Variants in MIPOL1 observed in about 807,000 individuals in gnomAD.
MIPOL1 encodes mirror-image polydactyly 1.
A neutral mutation model predicts 60.9 loss-of-function variants in MIPOL1; 57 were observed. The ratio of observed to expected loss-of-function variants is 0.94; its 90% CI spans 0.76 to 1.17. MIPOL1 has a LOEUF of 1.17. MIPOL1 is among the 50% of genes most tolerant of loss of function. The pLI, the probability that MIPOL1 is intolerant of heterozygous loss-of-function variation, is 0.00. For missense variants in MIPOL1, 551 were observed against 511.6 expected, an observed-to-expected ratio of 1.08 and a Z score of -0.74; for synonymous variants, 179 against 168.8, an observed-to-expected ratio of 1.06 and a Z score of -0.47.
At chr14:37,268,307 A>G (rs537706171) in intron 4 of MIPOL1, among the ~76,000 whole-genome samples, 1 of 152,310 alleles carries the variant, frequency 6.6e-6, no homozygotes, top group African/African-American at 2.4e-5. Flanking sequence ...GTAGAAGCAC[A>G]GAAGAATGAA....
chr14:37,226,368 A>G (rs1232814774), intron 1 of MIPOL1, among the ~76,000 whole-genome samples: 1 of 152,210 alleles, frequency 6.6e-6, no homozygotes, highest in Non-Finnish European at 1.5e-5. Context: ...CATGTGGTGG[A>G]CTCACAGTTC....
At chr14:37,535,874 T>G (rs2095504089) in intron 12 of MIPOL1, among the ~76,000 whole-genome samples, 1 of 152,198 alleles carries the variant, frequency 6.6e-6, no homozygotes, top group Admixed American at 6.5e-5. Context: ...TTATCTTTTT[T>G]CAATTTCTTT....
At chr14:37,391,082 A>G (rs1408937955) in intron 10 of MIPOL1, among the ~76,000 whole-genome samples, 5 of 152,188 alleles carry the variant, frequency 3.3e-5, no homozygotes, top group Non-Finnish European at 7.3e-5. Context: ...AATTCTCAAT[A>G]GAAATAACAG....
At chr14:37,202,982 C>T (rs920733057) in intron 1 of MIPOL1, among the ~76,000 whole-genome samples, 36 of 152,278 alleles carry the variant, frequency 2.4e-4, no homozygotes, top group African/African-American at 7.5e-4. Flanking sequence ...GTACGTCCAG[C>T]TACCTGGGAC....
At chr14:37,351,022 A>G (rs907219439) in intron 9 of MIPOL1, among the ~76,000 whole-genome samples, 3 of 142,562 alleles carry the variant, frequency 2.1e-5, no homozygotes, top group African/African-American at 8.0e-5. Context: ...CTCATCATCT[A>G]GCATTAGGTA....
intron 10 of MIPOL1, among the ~76,000 whole-genome samples, chr14:37,415,127 G>A (rs2093741830): frequency 6.6e-6 from 1 of 151,612 alleles, no homozygotes; most frequent in Admixed American, 6.6e-5. Flanking sequence ...CTACTTTTTT[G>A]CCAGGGGTCT....
At chr14:37,361,715 C>T (rs1218039290) in intron 9 of MIPOL1, among the ~76,000 whole-genome samples, 1 of 146,256 alleles carries the variant, frequency 6.8e-6, no homozygotes, top group African/African-American at 2.6e-5. Context: ...TCATGCCATT[C>T]TCCTGCCTCA....
At chr14:37,224,196 C>CTTT (rs1969307647) in intron 1 of MIPOL1, among the ~76,000 whole-genome samples, 2 of 152,088 alleles carry the variant, frequency 1.3e-5, no homozygotes, top group Non-Finnish European at 2.9e-5. Flanking sequence ...AAGTGTTTTA[C>CTTT]CAGGCAGGTG....
chr14:37,330,179 C>T (rs1205799488), intron 9 of MIPOL1, among the ~76,000 whole-genome samples: 1 of 151,986 alleles, frequency 6.6e-6, no homozygotes, highest in African/African-American at 2.4e-5. Flanking sequence ...ATTTTAATTA[C>T]ATTCTGATTA....
At chr14:37,213,694 A>C (rs1250497142) in intron 1 of MIPOL1, among the ~76,000 whole-genome samples, 1 of 152,188 alleles carries the variant, frequency 6.6e-6, no homozygotes, top group Non-Finnish European at 1.5e-5. Flanking sequence ...AAACCTAAAG[A>C]GAGATATCAA....
intron 12 of MIPOL1, among the ~76,000 whole-genome samples, chr14:37,514,871 A>C (rs571391825): frequency 7.9e-4 from 121 of 152,248 alleles, no homozygotes; most frequent in African/African-American, 2.8e-3. Context: ...TTGTGCAGCT[A>C]TCCTAAATAG....
chr14:37,260,491 T>G (rs2082449033), intron 3 of MIPOL1, among the ~76,000 whole-genome samples: 1 of 152,126 alleles, frequency 6.6e-6, no homozygotes, highest in South Asian at 2.1e-4. Flanking sequence ...GCTAATGTAA[T>G]GTTGTTGAAC....
rs1341430655 is a variant in MIPOL1 at position 37,503,916 on chromosome 14, A to G, written c.1262+3778A>G. ...AAAATATAGGGATGGAGGAAGATCTACCAAGCAAATGGAAAACAAAAAAAG... is the reference window on the plus strand; with the variant it reads ...AAAATATAGGGATGGAGGAAGATCTGCCAAGCAAATGGAAAACAAAAAAAG... On this transcript the variant is annotated intron_variant, in intron 12 of 12. Coordinates refer to ENST00000684589, the MANE Select transcript of MIPOL1 (RefSeq NM_001388067.1). 7 of 152,344 alleles carry G rather than the reference A, an allele frequency of 4.6e-5. No individual in the cohort carries two copies. In the East Asian group the frequency reaches 1.2e-3, roughly 25 times the overall value. The allele number at this position is 152,344 out of a possible 1,614,324, so 9.4% of individuals were successfully genotyped here.
At chr14:37,437,446 A>G (rs2094179223) in intron 11 of MIPOL1, among the ~76,000 whole-genome samples, 1 of 152,198 alleles carries the variant, frequency 6.6e-6, no homozygotes, top group African/African-American at 2.4e-5. Context: ...AAAAAGGTGA[A>G]AATTGAGATT....
At chr14:37,250,533 G>A (rs933198826) in intron 3 of MIPOL1, among the ~76,000 whole-genome samples, 2 of 151,976 alleles carry the variant, frequency 1.3e-5, no homozygotes, top group African/African-American at 4.8e-5. Flanking sequence ...GGCAACAGAG[G>A]GAGACTGTCT....
intron 9 of MIPOL1, among the ~76,000 whole-genome samples, chr14:37,368,429 G>A (rs956159174): frequency 2.6e-5 from 4 of 152,042 alleles, no homozygotes; most frequent in Non-Finnish European, 2.9e-5. Context: ...AATCAGAGTA[G>A]TAAGAAATGT....
At chr14:37,291,105 T>C (rs953850907) in intron 7 of MIPOL1, among the ~76,000 whole-genome samples, 1 of 152,196 alleles carries the variant, frequency 6.6e-6, no homozygotes, top group Non-Finnish European at 1.5e-5. Context: ...AAGAGGTTTT[T>C]TTGTAGAGAT....
intron 9 of MIPOL1, among the ~76,000 whole-genome samples, chr14:37,351,081 C>T (rs1022148709): frequency 7.3e-6 from 1 of 137,388 alleles, no homozygotes; most frequent in Non-Finnish European, 1.5e-5. Flanking sequence ...ACAACGGTCC[C>T]CAGAGTGTGA....
chr14:37,355,246 C>T lies in MIPOL1; in HGVS notation c.829-14271C>T, dbSNP rs1234785853. Among the ~76,000 whole-genome samples, 7 of 139,358 alleles carry T rather than the reference C, an allele frequency of 5.0e-5. No individual in the cohort carries two copies. In the Admixed American group the frequency reaches 5.3e-4, roughly 10 times the overall value. 91.4% of individuals were successfully genotyped at this position (139,358 alleles called of 152,430 possible). A position where few individuals can be genotyped will look rare whatever the true frequency, so the allele number is the denominator to read the frequency against. ...GTTGAATATTGGCCCCCACTCTCTT[C>T]TGGCTTGTAGGGTTTCTGCTGAGAG... On this transcript the variant is annotated intron_variant, in intron 9 of 12. Transcript: ENST00000684589.
Sources: allele counts gnomAD v4.1 joint callset (sites outside exome capture counted in the v4.1 genomes callset), GRCh38; gene constraint gnomAD v4.1.1; transcripts MANE v1.5; gene names NCBI Gene and HGNC (gene_info 2026-07-23, HGNC 2026-07-21).